Variants in AP3B1 observed in about 807,000 individuals in gnomAD.
AP3B1 encodes the protein AP-3 complex subunit beta-1.
AP3B1 carries 61 observed loss-of-function variants against 132.5 expected under a neutral mutation model. The observed-to-expected ratio is 0.46, with a 90% confidence interval of 0.37 to 0.57. The LOEUF (loss-of-function observed/expected upper bound fraction) is 0.57, where lower values mean the gene tolerates loss of function less well. Ranked by LOEUF, AP3B1 falls within the 20% of genes least tolerant of loss-of-function variation. The probability of loss-of-function intolerance (pLI) is 0.00; values close to 1 mark genes in which losing one functional copy is unlikely to be tolerated. For missense variants in AP3B1, 1,120 were observed against 1,289.4 expected (o/e 0.87, Z 2.01); for synonymous variants, 388 against 438.3 (o/e 0.89, Z 1.43).
At chr5:78,155,433 T>A (rs187659565) in intron 14 of AP3B1, among the ~76,000 whole-genome samples, 1 of 152,322 alleles carries the variant, frequency 6.6e-6, no homozygotes, top group Non-Finnish European at 1.5e-5. Context: ...GTTATGATGG[T>A]GCTTTTTTGT....
chr5:78,139,278 A>G (rs988284395), intron 15 of AP3B1, among the ~76,000 whole-genome samples: 7 of 152,180 alleles, frequency 4.6e-5, no homozygotes, highest in Non-Finnish European at 1.0e-4. Flanking sequence ...GCCAAACCAG[A>G]CAGAAAAAAA....
chr5:78,230,209 A>T (rs1346094619), intron 3 of AP3B1, among the ~76,000 whole-genome samples: 1 of 152,202 alleles, frequency 6.6e-6, no homozygotes, highest in African/African-American at 2.4e-5. Flanking sequence ...TGAAAGGCAA[A>T]ATCTTCCATT....
intron 22 of AP3B1, among the ~76,000 whole-genome samples, chr5:78,081,809 C>T (rs1297280502): frequency 6.6e-6 from 1 of 152,050 alleles, no homozygotes; most frequent in Non-Finnish European, 1.5e-5. Context: ...CTTTCTTTTC[C>T]CTTTTAAGTT....
intron 17 of AP3B1, among the ~76,000 whole-genome samples, chr5:78,121,293 C>G (rs1752179999): frequency 6.6e-6 from 1 of 151,962 alleles, no homozygotes; most frequent in Non-Finnish European, 1.5e-5. Flanking sequence ...ACTAGAAAAG[C>G]AAGAGCAAAC....
intron 14 of AP3B1, among the ~76,000 whole-genome samples, chr5:78,149,487 G>A (rs181770193): frequency 1.3e-5 from 2 of 152,204 alleles, no homozygotes; most frequent in Non-Finnish European, 2.9e-5. Context: ...ATATAAAAGA[G>A]GCAATAAGAA....
chr5:78,161,202 A>C (rs1248961806), intron 13 of AP3B1, among the ~76,000 whole-genome samples: 2 of 152,012 alleles, frequency 1.3e-5, no homozygotes, highest in Non-Finnish European at 2.9e-5. Context: ...AAGTCAATAA[A>C]AATATTTTTT....
chr5:78,032,582 C>T (rs571874969), intron 24 of AP3B1, among the ~76,000 whole-genome samples: 1 of 152,182 alleles, frequency 6.6e-6, no homozygotes, highest in South Asian at 2.1e-4. Flanking sequence ...CGATCGGTTT[C>T]CATTTTCTGA....
intron 22 of AP3B1, among the ~76,000 whole-genome samples, chr5:78,051,421 C>T (rs1343576425): frequency 6.6e-6 from 1 of 151,620 alleles, no homozygotes; most frequent in Non-Finnish European, 1.5e-5. Context: ...AGCATGTCTG[C>T]TTTTTTTTGA....
intron 21 of AP3B1, 79 bp downstream of exon 21, chr5:78,100,874 C>T (rs995050962): frequency 2.5e-6 from 2 of 802,490 alleles, no homozygotes; most frequent in African/African-American, 3.5e-5. Flanking sequence ...TATTTTGGGA[C>T]ATGTAAATGA....
Position 78,054,266 on chromosome 5 carries a change from T to A in AP3B1, c.2578-14992A>T, listed in dbSNP as rs1748711925. ...GGTTACATGTTGCACAGGTTATGAA[T>A]ATGAACACTGCAGTTCCCCAAGATG... On this transcript the variant is annotated intron_variant, in intron 22 of 26. Transcript: ENST00000255194. Among the ~76,000 whole-genome samples, 3 of 152,170 alleles carry A rather than the reference T, an allele frequency of 2.0e-5. No individual in the cohort carries two copies. In the East Asian group the frequency reaches 5.8e-4, roughly 29 times the overall value.
At chr5:78,167,708 G>A (rs921202368) in intron 11 of AP3B1, among the ~76,000 whole-genome samples, 3 of 151,466 alleles carry the variant, frequency 2.0e-5, no homozygotes, top group African/African-American at 7.3e-5. Context: ...CAAAATAATG[G>A]CATTCACAGA....
chr5:78,228,377 T>C, intron 3 of AP3B1, 138 bp from the exon 4 acceptor site: 1 of 630,392 alleles, frequency 1.6e-6, no homozygotes. Flanking sequence ...ATAAAAATAA[T>C]ATTTTGTGGG....
intron 17 of AP3B1, among the ~76,000 whole-genome samples, chr5:78,122,147 C>G (rs899707117): frequency 6.6e-6 from 1 of 152,108 alleles, no homozygotes; most frequent in Admixed American, 6.5e-5. Context: ...AATTCAACAA[C>G]CCTTCATGCT....
chr5:78,156,179 C>A, intron 14 of AP3B1, 79 bp downstream of exon 14: 1 of 1,031,564 alleles, frequency 9.7e-7, no homozygotes, highest in South Asian at 1.3e-5. Context: ...AACCATTACC[C>A]TTTAGGCTGA....
intron 20 of AP3B1, among the ~76,000 whole-genome samples, chr5:78,107,213 C>T (rs1751376859): frequency 6.6e-6 from 1 of 152,038 alleles, no homozygotes; most frequent in African/African-American, 2.4e-5. Context: ...AAAAGGGATG[C>T]AGAGACTTTT....
At position 78,070,409 on chromosome 5, in the gene AP3B1, G is replaced by GA. The variant is rs70997966; in HGVS notation, c.2577+18983dup. Among the ~76,000 whole-genome samples the GA allele has an allele frequency of 6.6e-4, 87 of 131,368 alleles. 1 individual carries two copies. In the South Asian group the frequency reaches 7.2e-3, roughly 11 times the overall value. The allele number at this position is 131,368 out of a possible 152,430, so 86.2% of individuals were successfully genotyped here. ...GCAACAGAGTAAGACTCCATCTCAAGAAAAAAAAAAAAAAAACTAAAATGT... is the reference window on the plus strand; with the variant it reads ...GCAACAGAGTAAGACTCCATCTCAAGAAAAAAAAAAAAAAAAACTAAAATGT... On this transcript the variant is annotated intron_variant, in intron 22 of 26. Transcript: ENST00000255194.
chr5:78,129,798 C>T (rs1752616605), intron 15 of AP3B1, among the ~76,000 whole-genome samples: 1 of 152,116 alleles, frequency 6.6e-6, no homozygotes, highest in Admixed American at 6.6e-5. Flanking sequence ...TGACTGCACT[C>T]AGTTACTTTA....
intron 22 of AP3B1, among the ~76,000 whole-genome samples, chr5:78,083,113 G>A (rs889560388): frequency 7.2e-5 from 11 of 152,064 alleles, no homozygotes; most frequent in South Asian, 2.1e-4. Flanking sequence ...CACCGCGCCC[G>A]GCCACGTTGA....
At chr5:78,024,862 CT>C (rs35911405) in intron 24 of AP3B1, among the ~76,000 whole-genome samples, 19,921 of 129,596 alleles carry the variant, frequency 0.15, 903 homozygotes, top group Admixed American at 0.23. Flanking sequence ...TGCGCCTGGC[CT>C]TTTTTTTTTT....
Sources: allele counts gnomAD v4.1 joint callset (sites outside exome capture counted in the v4.1 genomes callset), GRCh38; gene constraint gnomAD v4.1.1; transcripts MANE v1.5; gene names NCBI Gene and HGNC (gene_info 2026-07-23, HGNC 2026-07-21).